The following LDB2 variants were observed in gnomAD, a reference collection of about 807,000 sequenced individuals.
The protein encoded by LDB2 is LIM domain binding 2.
In LDB2, 12 loss-of-function variants were observed where a neutral mutation model predicts 44.3. The observed-to-expected ratio is 0.27, with a 90% confidence interval of 0.17 to 0.44. The LOEUF is 0.44. Among genes scored for constraint, LDB2 ranks in the 20% least tolerant of loss-of-function variants. The pLI is 1.00. For synonymous variants in LDB2, 164 were observed against 174.8 expected (o/e 0.94, Z 0.49); for missense variants, 344 against 473.5 (o/e 0.73, Z 2.54).
In LDB2 at chr4:16,898,641, G is replaced by C. The variant is rs1725994216; in HGVS notation, c.-156C>G. 1 of 388,822 alleles carries C rather than the reference G, an allele frequency of 2.6e-6. No individual in the cohort carries two copies. The highest frequency in any genetic ancestry group is 3.4e-5 in the Admixed American group (1 of 29,004). The allele number at this position is 388,822 out of a possible 1,614,324, so 24.1% of individuals were successfully genotyped here. A position where few individuals can be genotyped will look rare whatever the true frequency, so the allele number is the denominator to read the frequency against. On this transcript the variant is annotated 5_prime_UTR_variant, in exon 1 of 8. Transcript: ENST00000304523. Reference sequence around the variant, plus strand: ...CAGGCAGGCTGAACACGCTGGCTGGGAACTGCTGTCGGAGCCCTCTATAGC... The same window carrying C: ...CAGGCAGGCTGAACACGCTGGCTGGCAACTGCTGTCGGAGCCCTCTATAGC...
chr4:16,585,227 C>T (rs369210813), intron 5 of LDB2, among the ~76,000 whole-genome samples: 3 of 152,174 alleles, frequency 2.0e-5, no homozygotes, highest in Admixed American at 6.5e-5. Context: ...TGGGAGCACC[C>T]GCCGTCCACC....
chr4:16,564,387 C>A (rs531618057), intron 5 of LDB2, among the ~76,000 whole-genome samples: 59 of 152,178 alleles, frequency 3.9e-4, no homozygotes, highest in Middle Eastern at 6.8e-3. Flanking sequence ...AACAAACAAT[C>A]AAAAAATACA....
intron 1 of LDB2, among the ~76,000 whole-genome samples, chr4:16,819,066 G>A (rs1781455998): frequency 1.3e-5 from 2 of 150,016 alleles, no homozygotes; most frequent in South Asian, 2.1e-4. Context: ...TACTGCTTGT[G>A]AATCTTTCGT....
Position 16,502,646 on chromosome 4 carries a change from T to C in LDB2, c.1119A>G (p.Gln373=), listed in dbSNP as rs2152186799. 1.2e-6 allele frequency: 2 copies of C among 1,613,694 alleles called. No homozygotes were observed. Among genetic ancestry groups the C allele is most frequent in the Admixed American group, 1.7e-5 (1 of 60,010 alleles). ...GTGGATTCTGGTGCCGATCATCTTATTGGGAAGCCTGGGGTGGGGGGTTTT... is the reference window on the plus strand; with the variant it reads ...GTGGATTCTGGTGCCGATCATCTTACTGGGAAGCCTGGGGTGGGGGGTTTT... ...KSENPPPQAS[Q] is the part of the protein sequence containing the mutation. Residue 373 remains glutamine (Q), a synonymous_variant, in exon 8 of 8, where the codon CAA becomes CAG. Coordinates refer to ENST00000304523, the MANE Select transcript of LDB2 (RefSeq NM_001290.5).
intron 5 of LDB2, among the ~76,000 whole-genome samples, chr4:16,523,242 T>G (rs908009462): frequency 6.6e-6 from 1 of 152,196 alleles, no homozygotes; most frequent in Non-Finnish European, 1.5e-5. Flanking sequence ...AAATTCTATA[T>G]ATACCATTTT....
At chr4:16,627,786 G>C (rs1730687817) in intron 2 of LDB2, among the ~76,000 whole-genome samples, 1 of 152,168 alleles carries the variant, frequency 6.6e-6, no homozygotes, top group East Asian at 1.9e-4. Context: ...TGAGAGAAGC[G>C]ATGGGATATC....
intron 2 of LDB2, among the ~76,000 whole-genome samples, chr4:16,702,446 G>A (rs757580102): frequency 6.6e-6 from 1 of 152,104 alleles, no homozygotes; most frequent in South Asian, 2.1e-4. Flanking sequence ...TATCATTTTA[G>A]GCCTCAGCCC....
intron 1 of LDB2, among the ~76,000 whole-genome samples, chr4:16,783,693 T>C (rs1463865327): frequency 3.3e-5 from 5 of 152,206 alleles, no homozygotes; most frequent in Non-Finnish European, 7.3e-5. Context: ...TTGCCCTTGG[T>C]TTTTTACATT....
intron 2 of LDB2, among the ~76,000 whole-genome samples, chr4:16,652,489 C>T (rs532338978): frequency 5.3e-5 from 8 of 152,250 alleles, no homozygotes; most frequent in Non-Finnish European, 7.4e-5. Context: ...ATGTTCACCA[C>T]GCTGATAGAT....
intron 5 of LDB2, among the ~76,000 whole-genome samples, chr4:16,568,915 G>C (rs548889421): frequency 6.6e-6 from 1 of 152,156 alleles, no homozygotes; most frequent in Non-Finnish European, 1.5e-5. Flanking sequence ...GAGGAATTTC[G>C]CAGGCAAGGT....
intron 2 of LDB2, among the ~76,000 whole-genome samples, chr4:16,718,714 G>A (rs931148788): frequency 7.9e-5 from 12 of 152,058 alleles, no homozygotes; most frequent in African/African-American, 1.2e-4. Flanking sequence ...AGAGCTGTAC[G>A]AAATATTGTA....
At chr4:16,834,625 G>C (rs143657773) in intron 1 of LDB2, among the ~76,000 whole-genome samples, 2,728 of 152,210 alleles carry the variant, frequency 0.018, 93 homozygotes, top group African/African-American at 0.062. Flanking sequence ...TCAGGAGTTC[G>C]AGACCAGCCT....
intron 6 of LDB2, among the ~76,000 whole-genome samples, chr4:16,510,421 GT>G (rs1721281672): frequency 6.6e-6 from 1 of 152,160 alleles, no homozygotes; most frequent in Non-Finnish European, 1.5e-5. Flanking sequence ...TGAATAAAGG[GT>G]TGAGGAGGAC....
intron 2 of LDB2, among the ~76,000 whole-genome samples, chr4:16,729,884 C>T (rs1335997274): frequency 6.6e-6 from 1 of 152,236 alleles, no homozygotes; most frequent in South Asian, 2.1e-4. Flanking sequence ...TGAAGTGTTC[C>T]ATCATTAGCA....
At chr4:16,809,296 A>C (rs1428160902) in intron 1 of LDB2, among the ~76,000 whole-genome samples, 1 of 152,178 alleles carries the variant, frequency 6.6e-6, no homozygotes, top group Non-Finnish European at 1.5e-5. Flanking sequence ...TATAAGCTCA[A>C]TTATGGTATT....
At chr4:16,657,339 T>C (rs1408857215) in intron 2 of LDB2, among the ~76,000 whole-genome samples, 4 of 152,166 alleles carry the variant, frequency 2.6e-5, no homozygotes, top group Non-Finnish European at 5.9e-5. Flanking sequence ...CCCATCATCA[T>C]CATTATTACC....
chr4:16,731,933 A>G (rs1760854012), intron 2 of LDB2, among the ~76,000 whole-genome samples: 1 of 152,210 alleles, frequency 6.6e-6, no homozygotes, highest in South Asian at 2.1e-4. Flanking sequence ...ACCACCTTTG[A>G]AAAAAACCCA....
chr4:16,883,445 T>A (rs1454426969), intron 1 of LDB2, among the ~76,000 whole-genome samples: 3 of 152,186 alleles, frequency 2.0e-5, no homozygotes. Flanking sequence ...ACACATTCAA[T>A]GCACAAAGCA....
chr4:16,798,035 GAAAA>G lies in LDB2; in HGVS notation c.133-38779_133-38776del, dbSNP rs371276215. On this transcript the variant is annotated intron_variant, in intron 1 of 7. Transcript: ENST00000304523. ...GGGCGACAGAGCAAGACTCTGTCTCGAAAAAAAAAAAAAAAAAAGCTGTATAATC... is the reference window on the plus strand; with the variant it reads ...GGGCGACAGAGCAAGACTCTGTCTCGAAAAAAAAAAAAAAGCTGTATAATC... Among the ~76,000 whole-genome samples, 9 of 71,968 alleles carry G rather than the reference GAAAA, an allele frequency of 1.3e-4. No individual in the cohort carries two copies. The Admixed American group carries it at 1.6e-3, about 13-fold the overall frequency. The allele number at this position is 71,968 out of a possible 152,430, so 47.2% of individuals were successfully genotyped here.
Sources: gnomAD v4.1 joint callset for allele counts (sites outside exome capture counted in the v4.1 genomes callset) on GRCh38, gnomAD v4.1.1 for gene constraint, MANE v1.5 for transcripts, NCBI Gene and HGNC (gene_info 2026-07-23, HGNC 2026-07-21) for gene names.